The following WDR72 variants were observed in gnomAD, a reference collection of about 807,000 sequenced individuals.
WDR72 encodes WD repeat-containing protein 72.
Under a neutral mutation model 124.2 loss-of-function variants are expected in WDR72, and 120 were observed. The ratio of observed to expected loss-of-function variants is 0.97; its 90% CI spans 0.83 to 1.12. The LOEUF is 1.12. WDR72 is among the 50% of genes most tolerant of loss of function. WDR72 has a pLI of 0.00. For missense variants in WDR72, 1,387 were observed against 1,278.8 expected (o/e 1.08, Z -1.29); for synonymous variants, 452 against 441.7 (o/e 1.02, Z -0.29).
chr15:53,676,590 A>T (rs1350064437), intron 13 of WDR72, among the ~76,000 whole-genome samples: 2 of 152,230 alleles, frequency 1.3e-5, no homozygotes, highest in African/African-American at 4.8e-5. Flanking sequence ...CAGACCTACA[A>T]GTGAAAAGAA....
intron 14 of WDR72, among the ~76,000 whole-genome samples, chr15:53,653,988 C>A (rs1334099841): frequency 6.6e-6 from 1 of 151,988 alleles, no homozygotes; most frequent in Non-Finnish European, 1.5e-5. Flanking sequence ...CTTAAATATA[C>A]CCAGTCTGGA....
At chr15:53,609,192 C>T (rs1488798317) in intron 17 of WDR72, among the ~76,000 whole-genome samples, 1 of 152,054 alleles carries the variant, frequency 6.6e-6, no homozygotes, top group Non-Finnish European at 1.5e-5. Context: ...CAAATTCCCA[C>T]ACATAGGTAC....
chr15:53,551,875 C>T (rs976255332), intron 18 of WDR72, among the ~76,000 whole-genome samples: 1 of 151,978 alleles, frequency 6.6e-6, no homozygotes, highest in Non-Finnish European at 1.5e-5. Context: ...CACACACACA[C>T]AAACACACGC....
chr15:53,713,659 T>C (rs975327613), intron 6 of WDR72, among the ~76,000 whole-genome samples: 23 of 151,974 alleles, frequency 1.5e-4, no homozygotes, highest in South Asian at 4.2e-4. Flanking sequence ...GGTTTCACCA[T>C]GTTGGACAGG....
At chr15:53,531,430 T>G (rs1892462288) in intron 18 of WDR72, among the ~76,000 whole-genome samples, 1 of 152,100 alleles carries the variant, frequency 6.6e-6, no homozygotes, top group East Asian at 1.9e-4. Flanking sequence ...GGCACTCATT[T>G]AAAAGTATTA....
At chr15:53,606,871 G>GA (rs1164770829) in intron 17 of WDR72, among the ~76,000 whole-genome samples, 1 of 152,210 alleles carries the variant, frequency 6.6e-6, no homozygotes, top group African/African-American at 2.4e-5. Flanking sequence ...TCAGGCTGGG[G>GA]AAAAAATCAC....
chr15:53,714,321 C>T, intron 6 of WDR72, 113 bp downstream of exon 6: 5 of 869,148 alleles, frequency 5.8e-6, no homozygotes, highest in East Asian at 2.7e-5. Flanking sequence ...AATTTATACA[C>T]TTCTATGTTA....
intron 15 of WDR72, 48 bp from the exon 16 acceptor site, chr15:53,613,805 T>C (rs1456795400): frequency 1.5e-6 from 2 of 1,318,424 alleles, no homozygotes; most frequent in Non-Finnish European, 2.2e-6. Context: ...CATGAAAAAT[T>C]ATTTGAGGAA....
rs541113178 is a variant in WDR72, at chr15:53,578,584, G to C, written c.3148+18495C>G. On this transcript the variant is annotated intron_variant, in intron 18 of 19. Transcript: ENST00000360509. The stretch of plus-strand genomic sequence containing the variant: ...GAACTGAAAAGGGTATGGTTTGGCT[G>C]AGTTGTAGAGTTTGAGGTAGGTAGA... 9.9e-5 allele frequency among the ~76,000 whole-genome samples: 15 copies of C among 152,244 alleles called. No homozygotes were observed. The South Asian group carries it at 2.9e-3, about 29-fold the overall frequency.
At chr15:53,717,534 G>A (rs987985726) in intron 3 of WDR72, among the ~76,000 whole-genome samples, 1 of 151,978 alleles carries the variant, frequency 6.6e-6, no homozygotes, top group Non-Finnish European at 1.5e-5. Flanking sequence ...ACCAACCATG[G>A]GAACTCAATC....
rs923637665 is a variant in WDR72, at chr15:53,702,287, A to G, written c.1416T>C (p.Gly472=). ...QSVTSLLYPH[G]LSSKLDQSWM... is the part of the protein sequence containing the mutation. ...AACTTTGGTCTAATTTCGAAGAGAG[A>G]CCATGTGGATAGAGTAATGAAGTGA... Residue 472 remains glycine (G), a synonymous_variant, in exon 12 of 20, where the codon GGT becomes GGC. Coordinates refer to ENST00000360509, the MANE Select transcript of WDR72 (RefSeq NM_182758.4). 2 of 1,613,960 alleles carry G rather than the reference A, an allele frequency of 1.2e-6. No individual in the cohort carries two copies. The highest frequency in any genetic ancestry group is 2.7e-5 in the African/African-American group (2 of 74,924).
At chr15:53,753,457 G>T (rs554734526) in intron 1 of WDR72, among the ~76,000 whole-genome samples, 1 of 152,326 alleles carries the variant, frequency 6.6e-6, no homozygotes, top group Admixed American at 6.5e-5. Flanking sequence ...ACTTTCATCA[G>T]CAAGGCTATG....
intron 14 of WDR72, among the ~76,000 whole-genome samples, chr15:53,642,223 A>G: frequency 6.6e-6 from 1 of 152,030 alleles, no homozygotes; most frequent in Non-Finnish European, 1.5e-5. Context: ...TAAACTAGTA[A>G]TAATTGTATA....
At chr15:53,532,908 G>A (rs114515758) in intron 18 of WDR72, among the ~76,000 whole-genome samples, 2 of 151,992 alleles carry the variant, frequency 1.3e-5, no homozygotes, top group African/African-American at 2.4e-5. Context: ...TGTATAAGTA[G>A]TATGTATTCA....
At chr15:53,686,541 G>C (rs528423280) in intron 13 of WDR72, among the ~76,000 whole-genome samples, 1 of 152,028 alleles carries the variant, frequency 6.6e-6, no homozygotes, top group African/African-American at 2.4e-5. Context: ...CTCAACACAA[G>C]AGCACCCAGA....
At chr15:53,643,042 T>G (rs1345892339) in intron 14 of WDR72, among the ~76,000 whole-genome samples, 1 of 152,078 alleles carries the variant, frequency 6.6e-6, no homozygotes, top group African/African-American at 2.4e-5. Flanking sequence ...AGCTTCTCCT[T>G]TGCCACTGCC....
At chr15:53,577,972 A>G (rs1051366525) in intron 18 of WDR72, among the ~76,000 whole-genome samples, 6 of 152,308 alleles carry the variant, frequency 3.9e-5, no homozygotes, top group South Asian at 4.1e-4. Context: ...TTCTATCCAT[A>G]TCATAGATTT....
chr15:53,514,495 A>T lies in WDR72; in HGVS notation c.*3204T>A, dbSNP rs1451360824. 6.6e-6 allele frequency: 1 copy of T among 152,196 alleles called. No individual in the cohort carries two copies. Among genetic ancestry groups the T allele is most frequent in the Non-Finnish European group, 1.5e-5 (1 of 68,034 alleles). The allele number at this position is 152,196 out of a possible 1,614,324, so 9.4% of individuals were successfully genotyped here. ...TTCTAAAGTGTTCATTATAATAATT[A>T]TGAAAGGATTTTAAAAATACAGAAC... On this transcript the variant is annotated 3_prime_UTR_variant, in exon 20 of 20. Coordinates refer to ENST00000360509, the MANE Select transcript of WDR72 (RefSeq NM_182758.4).
At chr15:53,519,503 A>G (rs998539996) in intron 19 of WDR72, among the ~76,000 whole-genome samples, 23 of 152,104 alleles carry the variant, frequency 1.5e-4, no homozygotes. Context: ...AGGAGCAAGT[A>G]GACTTCACAG....
Sources: gnomAD v4.1 joint callset for allele counts (sites outside exome capture counted in the v4.1 genomes callset) on GRCh38, gnomAD v4.1.1 for gene constraint, MANE v1.5 for transcripts, NCBI Gene and HGNC (gene_info 2026-07-23, HGNC 2026-07-21) for gene names.